The following LCMT1 variants were observed in gnomAD, a reference collection of about 807,000 sequenced individuals.
LCMT1 encodes the protein leucine carboxyl methyltransferase 1.
A neutral mutation model predicts 47.7 loss-of-function variants in LCMT1; 32 were observed. The ratio of observed to expected loss-of-function variants is 0.67; its 90% CI spans 0.51 to 0.90. LCMT1 has a LOEUF of 0.90. Among genes scored for constraint, LCMT1 ranks in the 40% least tolerant of loss-of-function variants. LCMT1 has a pLI of 0.00. For missense variants in LCMT1, 375 were observed against 415.2 expected, an observed-to-expected ratio of 0.90 and a Z score of 0.84; for synonymous variants, 152 against 149.7, an observed-to-expected ratio of 1.02 and a Z score of -0.11.
chr16:25,156,940 CTTTTTTTT>C (rs5816285), intron 5 of LCMT1, among the ~76,000 whole-genome samples: 4 of 130,038 alleles, frequency 3.1e-5, no homozygotes, highest in Admixed American at 7.9e-5. Flanking sequence ...TCCATTTTAC[CTTTTTTTT>C]TTTTTTTTTT....
rs796992255 is a variant in LCMT1 at position 25,123,514 on chromosome 16, C to T, written c.114-4961C>T. On this transcript the variant is annotated intron_variant, in intron 1 of 10. Coordinates refer to ENST00000399069, the MANE Select transcript of LCMT1 (RefSeq NM_016309.3). ...CGTTGGGATTACAGGCGTGAGCCACCGCACTCAGCCTTATATGCCAAATTC... is the reference window on the plus strand; with the variant it reads ...CGTTGGGATTACAGGCGTGAGCCACTGCACTCAGCCTTATATGCCAAATTC... 1.7e-4 allele frequency among the ~76,000 whole-genome samples: 25 copies of T among 151,018 alleles called. 1 individual carries two copies. Among genetic ancestry groups the T allele is most frequent in the African/African-American group, 4.4e-4 (18 of 41,144 alleles).
intron 1 of LCMT1, among the ~76,000 whole-genome samples, chr16:25,114,433 C>G (rs555038964): frequency 7.9e-5 from 12 of 152,250 alleles, no homozygotes; most frequent in African/African-American, 2.9e-4. Context: ...CAGAAGTTTT[C>G]TGGTTGGATA....
At position 25,125,735 on chromosome 16, in the gene LCMT1, G is replaced by A. The variant is rs552358632; in HGVS notation, c.114-2740G>A. ...TAATCCCAGCTACTCGGGAGGCTGA[G>A]GCAGGAGAATTGCTTGAAACTGGAA... is the stretch of plus-strand genomic sequence containing the variant. On this transcript the variant is annotated intron_variant, in intron 1 of 10. Coordinates refer to ENST00000399069, the MANE Select transcript of LCMT1 (RefSeq NM_016309.3). Among the ~76,000 whole-genome samples, 264 of 151,870 alleles carry A rather than the reference G, an allele frequency of 1.7e-3. 1 individual carries two copies. Among genetic ancestry groups the A allele is most frequent in the African/African-American group, 6.2e-3 (257 of 41,404 alleles).
chr16:25,117,738 A>C (rs1402476615), intron 1 of LCMT1, among the ~76,000 whole-genome samples: 1 of 151,970 alleles, frequency 6.6e-6, no homozygotes, highest in African/African-American at 2.4e-5. Context: ...CTGTAATCTC[A>C]GCTATTGGGA....
intron 3 of LCMT1, among the ~76,000 whole-genome samples, chr16:25,139,336 T>TCTATCATACTTCA (rs1960604801): frequency 1.3e-5 from 2 of 152,118 alleles, no homozygotes. Flanking sequence ...TGTTCTTTAA[T>TCTATCATACTTCA]CTATCATACT....
intron 1 of LCMT1, 123 bp from the exon 2 acceptor site, chr16:25,128,352 C>T: frequency 1.5e-6 from 1 of 651,674 alleles, no homozygotes; most frequent in Non-Finnish European, 2.7e-6. Flanking sequence ...TGCACTTGGC[C>T]TTTTGAGGTG....
intron 1 of LCMT1, among the ~76,000 whole-genome samples, chr16:25,116,383 T>C (rs1361124478): frequency 2.0e-5 from 3 of 152,176 alleles, no homozygotes. Context: ...CTTGCTTTTT[T>C]CTCTGCTTAG....
intron 3 of LCMT1, among the ~76,000 whole-genome samples, chr16:25,139,578 A>G (rs961638230): frequency 6.6e-6 from 1 of 152,192 alleles, no homozygotes; most frequent in Non-Finnish European, 1.5e-5. Context: ...TGCTTTTGAT[A>G]CTGGCTGTTT....
At chr16:25,152,387 C>A (rs1210832084) in intron 5 of LCMT1, among the ~76,000 whole-genome samples, 1 of 152,132 alleles carries the variant, frequency 6.6e-6, no homozygotes, top group Non-Finnish European at 1.5e-5. Flanking sequence ...CTCTGGGGTC[C>A]CCTTGGTTCA....
At position 25,120,722 on chromosome 16, in the gene LCMT1, C is replaced by A. The variant is rs1271084254; in HGVS notation, c.114-7753C>A. 2.7e-5 allele frequency among the ~76,000 whole-genome samples: 4 copies of A among 150,442 alleles called. No individual in the cohort carries two copies. In the East Asian group the frequency reaches 7.9e-4, roughly 30 times the overall value. On this transcript the variant is annotated intron_variant, in intron 1 of 10. Transcript: ENST00000399069. ...TGGATTACAGGCGTGAGACACCGCA[C>A]CTGGCCTTGTTTTTTTGTTTTTTTT...
chr16:25,146,401 GT>G (rs1354221081), intron 4 of LCMT1: 1 of 152,364 alleles, frequency 6.6e-6, no homozygotes, highest in Non-Finnish European at 1.5e-5. Context: ...CGGCTGTCCT[GT>G]TTTAAGGAGG....
chr16:25,149,991 A>G (rs1367648944), intron 4 of LCMT1, among the ~76,000 whole-genome samples: 19 of 151,922 alleles, frequency 1.3e-4, no homozygotes, highest in Non-Finnish European at 2.4e-4. Context: ...TATATGAATG[A>G]ATGAATGGAA....
At chr16:25,118,722 G>A (rs1452072886) in intron 1 of LCMT1, among the ~76,000 whole-genome samples, 1 of 152,134 alleles carries the variant, frequency 6.6e-6, no homozygotes, top group Admixed American at 6.6e-5. Context: ...GGGAAGCAAT[G>A]TCCAGCAGAG....
intron 6 of LCMT1, among the ~76,000 whole-genome samples, chr16:25,163,292 C>T (rs1961486813): frequency 6.6e-6 from 1 of 152,036 alleles, no homozygotes; most frequent in Non-Finnish European, 1.5e-5. Context: ...CATGGGGAAA[C>T]CCCGTCTCTA....
At chr16:25,118,951 G>A (rs1313042752) in intron 1 of LCMT1, among the ~76,000 whole-genome samples, 1 of 152,176 alleles carries the variant, frequency 6.6e-6, no homozygotes, top group African/African-American at 2.4e-5. Context: ...ATTTGGAACT[G>A]AAGAGTGAGG....
At chr16:25,167,687 G>T (rs1296429933) in intron 7 of LCMT1, among the ~76,000 whole-genome samples, 4 of 152,156 alleles carry the variant, frequency 2.6e-5, no homozygotes, top group Non-Finnish European at 5.9e-5. Context: ...TAAAGCAGTG[G>T]TAGCAAATTC....
rs912117879 is a variant in LCMT1, at chr16:25,164,725, G to A, written c.690+7G>A. The A allele has an allele frequency of 2.5e-6, 4 of 1,613,918 alleles. No individual in the cohort carries two copies. Among genetic ancestry groups the A allele is most frequent in the East Asian group, 4.5e-5 (2 of 44,886 alleles). Reference sequence around the variant, plus strand: ...GTTCATAAACTACGAACAGGTAAAAGGAAGCACAGGAGAACTGGATTCCAT... The same window carrying A: ...GTTCATAAACTACGAACAGGTAAAAAGAAGCACAGGAGAACTGGATTCCAT... On this transcript the variant is annotated splice_region_variant and intron_variant, in intron 7 of 10. Coordinates refer to ENST00000399069, the MANE Select transcript of LCMT1 (RefSeq NM_016309.3).
intron 1 of LCMT1, among the ~76,000 whole-genome samples, chr16:25,125,781 G>A (rs891137686): frequency 2.0e-4 from 30 of 151,520 alleles, no homozygotes; most frequent in East Asian, 1.9e-4. Context: ...GCAGTGAGCC[G>A]AGATCACGCC....
chr16:25,116,537 A>C (rs1959790382), intron 1 of LCMT1, among the ~76,000 whole-genome samples: 1 of 151,978 alleles, frequency 6.6e-6, no homozygotes, highest in Non-Finnish European at 1.5e-5. Context: ...CAACAACATT[A>C]GGGCCTGGCC....
Sources: allele counts gnomAD v4.1 joint callset (sites outside exome capture counted in the v4.1 genomes callset), GRCh38; gene constraint gnomAD v4.1.1; transcripts MANE v1.5; gene names NCBI Gene and HGNC (gene_info 2026-07-23, HGNC 2026-07-21).